Variants in PCDH15 observed in about 807,000 individuals in gnomAD.
The protein encoded by PCDH15 is protocadherin-15.
A neutral mutation model predicts 178.5 loss-of-function variants in PCDH15; 129 were observed. That is an observed-to-expected ratio of 0.72 (90% CI 0.63 to 0.84). PCDH15 has a LOEUF of 0.84. Ranked by LOEUF, PCDH15 falls within the 40% of genes least tolerant of loss-of-function variation. PCDH15 has a pLI of 0.00. For synonymous variants in PCDH15, 800 were observed against 732.0 expected, an observed-to-expected ratio of 1.09 and a Z score of -1.50; for missense variants, 2,230 against 2,099.9, an observed-to-expected ratio of 1.06 and a Z score of -1.21.
At chr10:54,968,453 T>C (rs200723430) in intron 2 of PCDH15, among the ~76,000 whole-genome samples, 1 of 146,172 alleles carries the variant, frequency 6.8e-6, no homozygotes, top group Non-Finnish European at 1.5e-5. Context: ...TTTTTTTTTC[T>C]TTTCAGGATT....
chr10:55,456,644 T>C (rs1386219197), intron 2 of PCDH15, among the ~76,000 whole-genome samples: 1 of 152,096 alleles, frequency 6.6e-6, no homozygotes, highest in Non-Finnish European at 1.5e-5. Flanking sequence ...TTTCAAAATA[T>C]ATTTTGGATA....
rs148063200 is a variant in PCDH15, at chr10:54,649,296, G to C, written c.91+14876C>G. Among the ~76,000 whole-genome samples the C allele has an allele frequency of 4.2e-3, 635 of 152,230 alleles. 2 individuals are homozygous for C. The highest frequency in any genetic ancestry group is 0.014 in the African/African-American group (599 of 41,540). On this transcript the variant is annotated intron_variant, in intron 2 of 37. Transcript: ENST00000644397. ...ACAATCATGGGATAAATACTAATTT[G>C]ATCTGTAATAAATTACATATATGAA...
intron 3 of PCDH15, among the ~76,000 whole-genome samples, chr10:54,517,427 C>T (rs1477238186): frequency 1.3e-5 from 2 of 152,062 alleles, no homozygotes; most frequent in Non-Finnish European, 2.9e-5. Context: ...TCTGATAAAA[C>T]AGACTTTAAA....
intron 25 of PCDH15, among the ~76,000 whole-genome samples, chr10:53,924,231 C>T (rs1434223180): frequency 1.3e-5 from 2 of 152,210 alleles, no homozygotes; most frequent in Non-Finnish European, 2.9e-5. Flanking sequence ...CGCGAGCCAG[C>T]GTGAGTTCCG....
At chr10:54,454,095 TTA>T (rs1450533154) in intron 3 of PCDH15, among the ~76,000 whole-genome samples, 1 of 150,210 alleles carries the variant, frequency 6.7e-6, no homozygotes, top group East Asian at 1.9e-4. Flanking sequence ...TATAACAGAT[TTA>T]TATATTTATA....
chr10:55,384,209 T>A (rs534424671), intron 2 of PCDH15, among the ~76,000 whole-genome samples: 1 of 152,090 alleles, frequency 6.6e-6, no homozygotes, highest in Non-Finnish European at 1.5e-5. Context: ...CTTTTGGGAG[T>A]TGCAATATTG....
intron 1 of PCDH15, among the ~76,000 whole-genome samples, chr10:54,724,361 C>A (rs1942128503): frequency 6.6e-6 from 1 of 151,442 alleles, no homozygotes; most frequent in African/African-American, 2.4e-5. Context: ...AAATAACACA[C>A]CTCAGAGACT....
chr10:55,555,496 G>A (rs1464697922), intron 2 of PCDH15, among the ~76,000 whole-genome samples: 2 of 152,108 alleles, frequency 1.3e-5, no homozygotes, highest in Non-Finnish European at 2.9e-5. Context: ...CAATGGTTAT[G>A]TGGTGTAGTT....
chr10:55,383,164 A>G (rs1381131725), intron 2 of PCDH15, among the ~76,000 whole-genome samples: 1 of 152,096 alleles, frequency 6.6e-6, no homozygotes, highest in South Asian at 2.1e-4. Context: ...TGGTATGGGA[A>G]GAAGGGGATC....
At chr10:54,519,078 A>G (rs986525604) in intron 3 of PCDH15, among the ~76,000 whole-genome samples, 4 of 152,210 alleles carry the variant, frequency 2.6e-5, no homozygotes, top group African/African-American at 4.8e-5. Context: ...AATAAGCGCT[A>G]TCTATGACAA....
intron 1 of PCDH15, among the ~76,000 whole-genome samples, chr10:55,253,087 C>G (rs1309753875): frequency 6.6e-6 from 1 of 152,004 alleles, no homozygotes; most frequent in African/African-American, 2.4e-5. Flanking sequence ...TAATTTCTCA[C>G]TATTATGAAG....
At chr10:54,220,160 T>G in intron 9 of PCDH15, among the ~76,000 whole-genome samples, 1 of 152,236 alleles carries the variant, frequency 6.6e-6, no homozygotes, top group East Asian at 1.9e-4. Flanking sequence ...AATTGAATAA[T>G]AGCCGCTGAG....
intron 2 of PCDH15, among the ~76,000 whole-genome samples, chr10:54,650,754 T>A (rs1241864930): frequency 2.0e-5 from 3 of 150,064 alleles, no homozygotes; most frequent in African/African-American, 7.4e-5. Context: ...GCAAAAGGGG[T>A]TTCCCCTTAC....
intron 3 of PCDH15, among the ~76,000 whole-genome samples, chr10:54,436,030 AGGAG>A (rs2075373904): frequency 5.7e-5 from 1 of 17,582 alleles, no homozygotes; most frequent in African/African-American, 3.3e-4. Context: ...AGGAGAGGAG[AGGAG>A]AGAGAGAGAG....
At chr10:55,499,593 T>G (rs531466158) in intron 2 of PCDH15, among the ~76,000 whole-genome samples, 2 of 151,732 alleles carry the variant, frequency 1.3e-5, no homozygotes, top group Non-Finnish European at 2.9e-5. Flanking sequence ...ATTGTCAAGA[T>G]CAAACCCTGA....
At chr10:55,149,161 T>C (rs2132098739) in intron 2 of PCDH15, among the ~76,000 whole-genome samples, 1 of 133,920 alleles carries the variant, frequency 7.5e-6, no homozygotes, top group East Asian at 2.0e-4. Flanking sequence ...TAGTTTATAA[T>C]AACTTAAATG....
chr10:55,153,961 C>T (rs2589436), intron 2 of PCDH15, among the ~76,000 whole-genome samples: 143,268 of 152,258 alleles, frequency 0.94, 67,685 homozygotes, highest in East Asian at 1. Flanking sequence ...TTGGCTTTCT[C>T]ATTAAAAATA....
Position 55,477,661 on chromosome 10 carries a change from C to A in PCDH15, c.-156+149964G>T, listed in dbSNP as rs190899926. Among the ~76,000 whole-genome samples the A allele has an allele frequency of 2.0e-4, 30 of 151,874 alleles. No individual in the cohort carries two copies. The East Asian group carries it at 5.4e-3, about 28-fold the overall frequency. On this transcript the variant is annotated intron_variant, in intron 2 of 5. Coordinates refer to the PCDH15 transcript ENST00000613346. ...CCATCATTTAGTGTTCTTAATGTGG[C>A]TTTTTTGATCTCATATGTTAATTAG... is the stretch of plus-strand genomic sequence containing the variant.
intron 2 of PCDH15, among the ~76,000 whole-genome samples, chr10:54,980,934 T>C (rs948951851): frequency 7.2e-5 from 11 of 152,182 alleles, no homozygotes; most frequent in African/African-American, 2.4e-4. Flanking sequence ...AGAAAGAAAG[T>C]GAACTTTCTT....
Sources: allele counts gnomAD v4.1 joint callset (sites outside exome capture counted in the v4.1 genomes callset), GRCh38; gene constraint gnomAD v4.1.1; transcripts MANE v1.5; gene names NCBI Gene and HGNC (gene_info 2026-07-23, HGNC 2026-07-21).